Variants in ZDHHC9 observed in about 807,000 individuals in gnomAD.
The protein encoded by ZDHHC9 is palmitoyltransferase ZDHHC9.
A neutral mutation model predicts 26.6 loss-of-function variants in ZDHHC9; 3 were observed. That is an observed-to-expected ratio of 0.11 (90% CI 0.05 to 0.29). The LOEUF is 0.29. ZDHHC9 is among the 10% of genes least tolerant of loss of function. The pLI is 1.00. For synonymous variants in ZDHHC9, 111 were observed against 109.4 expected (o/e 1.01, Z -0.09); for missense variants, 146 against 296.4 (o/e 0.49, Z 3.73).
At chrX:129,813,151 C>A (rs1396767878) in intron 7 of ZDHHC9, among the ~76,000 whole-genome samples, 1 of 112,174 alleles carries the variant, frequency 8.9e-6, no homozygotes, top group Admixed American at 9.5e-5. Context: ...GTAATCCCGG[C>A]ACTTTGGGAG....
At chrX:129,810,078 C>T (rs909290533) in intron 10 of ZDHHC9, among the ~76,000 whole-genome samples, 1 of 107,978 alleles carries the variant, frequency 9.3e-6, no homozygotes, top group African/African-American at 3.4e-5. Context: ...CAGCTGGGCA[C>T]GGTGGCTCAC....
At chrX:129,822,560 T>C (rs777737460) in intron 5 of ZDHHC9, among the ~76,000 whole-genome samples, 10 of 110,943 alleles carry the variant, frequency 9.0e-5, no homozygotes, top group Non-Finnish European at 1.7e-4. Context: ...GGCACATGTA[T>C]ACCTATGTAA....
chrX:129,817,382 G>A (rs1012876689), intron 5 of ZDHHC9, among the ~76,000 whole-genome samples: 2 of 110,049 alleles, frequency 1.8e-5, no homozygotes, highest in East Asian at 5.8e-4. Context: ...AGCTCGGGAG[G>A]CGGAGGTTGC....
chrX:129,835,015 G>A (rs1928226050), intron 3 of ZDHHC9, among the ~76,000 whole-genome samples: 1 of 112,356 alleles, frequency 8.9e-6, no homozygotes, highest in Non-Finnish European at 1.9e-5. Context: ...CAAAACAGAG[G>A]ATCACTATAT....
chrX:129,812,929 A>G (rs1372983735), intron 7 of ZDHHC9, 109 bp from the exon 8 acceptor site: 22 of 549,675 alleles, frequency 4.0e-5, no homozygotes, highest in Admixed American at 3.6e-4. Context: ...AACGTATATC[A>G]CAAAAAGCCA....
At chrX:129,839,893 A>C (rs1202563071) in intron 3 of ZDHHC9, among the ~76,000 whole-genome samples, 2 of 111,438 alleles carry the variant, frequency 1.8e-5, no homozygotes, top group Non-Finnish European at 3.8e-5. Flanking sequence ...ATCTTCAAAA[A>C]TATTTAGTCT....
chrX:129,814,629 C>A, intron 6 of ZDHHC9, 29 bp downstream of exon 6: 1 of 1,210,240 alleles, frequency 8.3e-7, no homozygotes, highest in East Asian at 3.0e-5. Flanking sequence ...AGCCCCACTC[C>A]AACAACGGAC....
At chrX:129,820,279 G>C (rs981349167) in intron 5 of ZDHHC9, among the ~76,000 whole-genome samples, 36 of 111,107 alleles carry the variant, frequency 3.2e-4, no homozygotes, top group African/African-American at 1.0e-3. Flanking sequence ...TAATTTTCTA[G>C]ATTTAAAAAA....
chrX:129,831,584 G>A (rs1928139945), intron 3 of ZDHHC9, among the ~76,000 whole-genome samples: 1 of 111,693 alleles, frequency 9.0e-6, no homozygotes. Flanking sequence ...TGCCATCAAG[G>A]ATAAAGGTCT....
intron 5 of ZDHHC9, among the ~76,000 whole-genome samples, chrX:129,816,800 G>A (rs1461576428): frequency 9.0e-6 from 1 of 111,144 alleles, no homozygotes; most frequent in African/African-American, 3.3e-5. Context: ...GTACCCCTTT[G>A]GTAGAATAAG....
At position 129,814,683 on chromosome X, in the gene ZDHHC9, G is replaced by A; in HGVS notation, c.600C>T (p.Ala200=). The A allele has an allele frequency of 8.3e-7, 1 of 1,211,407 alleles. No homozygotes were observed. The highest frequency in any genetic ancestry group is 1.1e-6 in the Non-Finnish European group (1 of 895,423). ...TGAGGGCCACATAGACGATGTTGAAGGCGAAGACATAGATTGTGAGGAGGG... is the reference window on the plus strand; with the variant it reads ...TGAGGGCCACATAGACGATGTTGAAAGCGAAGACATAGATTGTGAGGAGGG... ...SLSLLTIYVF[A]FNIVYVALKS... is the part of the protein sequence containing the mutation. Residue 200 remains alanine, a synonymous_variant, in exon 6 of 11, where the codon GCC becomes GCT. Transcript: ENST00000357166.
chrX:129,821,254 C>T (rs1358935159), intron 5 of ZDHHC9, among the ~76,000 whole-genome samples: 1 of 109,893 alleles, frequency 9.1e-6, no homozygotes, highest in African/African-American at 3.3e-5. Flanking sequence ...ACCAGAAATA[C>T]CATTTGACCC....
intron 3 of ZDHHC9, among the ~76,000 whole-genome samples, chrX:129,838,251 T>G (rs1473683604): frequency 1.8e-5 from 2 of 112,203 alleles, no homozygotes; most frequent in Non-Finnish European, 3.8e-5. Flanking sequence ...TGTATTTGAG[T>G]CTTCCAGACA....
rs1423958871 is a variant in ZDHHC9, at chrX:129,803,779, A to T, written c.*2591T>A. On this transcript the variant is annotated 3_prime_UTR_variant, in exon 11 of 11. Transcript: ENST00000357166. The stretch of plus-strand genomic sequence containing the variant: ...TCAGTGCCAACCATCCTGGCCTGGG[A>T]AAGTAGGGTGCATAGGAAGCTTGAG... 1 of 111,912 alleles carries T rather than the reference A, an allele frequency of 8.9e-6. No homozygotes were observed. Among genetic ancestry groups the T allele is most frequent in the Non-Finnish European group, 1.9e-5 (1 of 53,186 alleles). The allele number at this position is 111,912 out of a possible 1,213,427, so 9.2% of individuals were successfully genotyped here. A position where few individuals can be genotyped will look rare whatever the true frequency, so the allele number is the denominator to read the frequency against.
chrX:129,837,294 A>G (rs1450219914), intron 3 of ZDHHC9, among the ~76,000 whole-genome samples: 4 of 112,297 alleles, frequency 3.6e-5, no homozygotes, highest in Non-Finnish European at 7.5e-5. Context: ...ATAGTCTCTG[A>G]CCTTGAAAGA....
At chrX:129,829,252 GC>G in intron 3 of ZDHHC9, 111 bp from the exon 4 acceptor site, 1 of 882,342 alleles carries the variant, frequency 1.1e-6, no homozygotes, top group African/African-American at 2.0e-5. Context: ...CACCTCAAGG[GC>G]AGGGACCATG....
chrX:129,839,895 ATTTAGTC>A (rs1216818527), intron 3 of ZDHHC9, among the ~76,000 whole-genome samples: 1 of 110,927 alleles, frequency 9.0e-6, no homozygotes, highest in Non-Finnish European at 1.9e-5. Context: ...CTTCAAAAAT[ATTTAGTC>A]TTTCACACAG....
chrX:129,836,736 T>C (rs1409638254), intron 3 of ZDHHC9, among the ~76,000 whole-genome samples: 1 of 112,131 alleles, frequency 8.9e-6, no homozygotes, highest in Non-Finnish European at 1.9e-5. Flanking sequence ...AAGCTCCTGA[T>C]AGGCTTCCCT....
intron 10 of ZDHHC9, among the ~76,000 whole-genome samples, chrX:129,808,290 G>C (rs887989807): frequency 1.8e-5 from 2 of 112,027 alleles, no homozygotes; most frequent in African/African-American, 3.2e-5. Flanking sequence ...TATAAAGTTG[G>C]AGGACTCACA....
Sources: gnomAD v4.1 joint callset for allele counts (sites outside exome capture counted in the v4.1 genomes callset) on GRCh38, gnomAD v4.1.1 for gene constraint, MANE v1.5 for transcripts, NCBI Gene and HGNC (gene_info 2026-07-23, HGNC 2026-07-21) for gene names.